Variants in TNRC6A observed in about 807,000 individuals in gnomAD.
TNRC6A encodes trinucleotide repeat containing adaptor 6A.
In TNRC6A, 44 loss-of-function variants were observed where a neutral mutation model predicts 221.2. The ratio of observed to expected loss-of-function variants is 0.20; its 90% confidence interval spans 0.16 to 0.26. TNRC6A has a LOEUF of 0.26. TNRC6A is among the 10% of genes least tolerant of loss of function. The probability of loss-of-function intolerance (pLI) is 1.00; values close to 1 mark genes in which losing one functional copy is unlikely to be tolerated. For missense variants in TNRC6A, 2,199 were observed against 2,404.4 expected, an observed-to-expected ratio of 0.91 and a Z score of 1.79; for synonymous variants, 847 against 838.5, an observed-to-expected ratio of 1.01 and a Z score of -0.18.
intron 18 of TNRC6A, among the ~76,000 whole-genome samples, chr16:24,814,237 G>A (rs1157436156): frequency 6.6e-6 from 1 of 152,012 alleles, no homozygotes; most frequent in African/African-American, 2.4e-5. Flanking sequence ...TGGGGCTGGA[G>A]TGGCATGCAG....
Position 24,804,328 on chromosome 16 carries a change from T to G in TNRC6A, c.3837+9T>G. 6.2e-7 allele frequency: 1 copy of G among 1,608,994 alleles called. No individual in the cohort carries two copies. The highest frequency in any genetic ancestry group is 8.5e-7 in the Non-Finnish European group (1 of 1,178,998). The stretch of plus-strand genomic sequence containing the variant: ...ATCCTTATTTTGATAAGGTAAGGTT[T>G]TTTACTTTTACCTCTGACTTGATAA... On this transcript the variant is annotated intron_variant, in intron 12 of 24. Transcript: ENST00000395799.
intron 2 of TNRC6A, among the ~76,000 whole-genome samples, chr16:24,672,270 C>T (rs970154827): frequency 6.6e-6 from 1 of 151,860 alleles, no homozygotes; most frequent in African/African-American, 2.4e-5. Context: ...TACAGGCGCA[C>T]GCCGCCACGC....
chr16:24,746,027 G>T (rs541544554), intron 2 of TNRC6A, among the ~76,000 whole-genome samples: 126 of 152,064 alleles, frequency 8.3e-4, no homozygotes, highest in African/African-American at 2.9e-3. Context: ...ATGCTGACAA[G>T]TCTCCATACT....
intron 2 of TNRC6A, among the ~76,000 whole-genome samples, chr16:24,713,829 A>G (rs2056258403): frequency 6.6e-6 from 1 of 152,116 alleles, no homozygotes; most frequent in African/African-American, 2.4e-5. Flanking sequence ...TATTTTCAGT[A>G]GAGATGGGGT....
At chr16:24,726,377 A>AAAG (rs2056492093), upstream of TNRC6A, among the ~76,000 whole-genome samples, 1 of 151,260 alleles carries the variant, frequency 6.6e-6, no homozygotes, top group Non-Finnish European at 1.5e-5. Flanking sequence ...AAAAAAAAAA[A>AAAG]TGGCTAGAGA....
At chr16:24,703,954 C>T (rs888513960) in intron 2 of TNRC6A, among the ~76,000 whole-genome samples, 2 of 151,504 alleles carry the variant, frequency 1.3e-5, no homozygotes, top group Non-Finnish European at 2.9e-5. Context: ...CGTGGTGATG[C>T]GTACTTGTAG....
At chr16:24,652,327 G>A (rs1016962861) in intron 2 of TNRC6A, among the ~76,000 whole-genome samples, 6 of 152,164 alleles carry the variant, frequency 3.9e-5, no homozygotes, top group Admixed American at 1.3e-4. Flanking sequence ...ATCCCATGGC[G>A]TAATATTTAA....
intron 1 of TNRC6A, among the ~76,000 whole-genome samples, chr16:24,630,817 C>G (rs1430254166): frequency 1.3e-5 from 2 of 152,160 alleles, no homozygotes; most frequent in Non-Finnish European, 2.9e-5. Flanking sequence ...TACCTAAAAC[C>G]CTGGGATTCC....
At chr16:24,612,857 A>C (rs879319765) in intron 1 of TNRC6A, among the ~76,000 whole-genome samples, 5 of 152,168 alleles carry the variant, frequency 3.3e-5, no homozygotes, top group Non-Finnish European at 7.4e-5. Flanking sequence ...TTTATAGTCC[A>C]GTGGGGAAGG....
At chr16:24,664,658 A>C (rs945582075) in intron 2 of TNRC6A, among the ~76,000 whole-genome samples, 5 of 135,686 alleles carry the variant, frequency 3.7e-5, no homozygotes, top group African/African-American at 1.1e-4. Flanking sequence ...ATTAATAATA[A>C]ATTTATTATT....
At chr16:24,784,147 G>A (rs999406255) in intron 5 of TNRC6A, among the ~76,000 whole-genome samples, 2 of 151,950 alleles carry the variant, frequency 1.3e-5, no homozygotes, top group African/African-American at 4.8e-5. Context: ...GATTATTGGG[G>A]CCTGTTACCA....
chr16:24,825,195 C>G lies in TNRC6A; in HGVS notation c.*1388C>G, dbSNP rs1025222558. The G allele has an allele frequency of 6.6e-6, 1 of 152,552 alleles. No individual in the cohort carries two copies. The highest frequency in any genetic ancestry group is 6.6e-5 in the Admixed American group (1 of 15,266). The allele number at this position is 152,552 out of a possible 1,614,324, so 9.4% of individuals were successfully genotyped here. ...TACACCATTTTAAACTTTCTTTCCTCCCCCCTTTTTTTGCCCACAAATGGT... is the reference window on the plus strand; with the variant it reads ...TACACCATTTTAAACTTTCTTTCCTGCCCCCTTTTTTTGCCCACAAATGGT... On this transcript the variant is annotated 3_prime_UTR_variant, in exon 25 of 25. Transcript: ENST00000395799.
intron 2 of TNRC6A, among the ~76,000 whole-genome samples, chr16:24,686,461 C>A (rs2055627560): frequency 6.6e-6 from 1 of 152,126 alleles, no homozygotes; most frequent in Non-Finnish European, 1.5e-5. Flanking sequence ...GAAACAGAGG[C>A]TCACACACAT....
intron 2 of TNRC6A, among the ~76,000 whole-genome samples, chr16:24,657,327 A>C (rs2054933313): frequency 6.9e-6 from 1 of 144,640 alleles, no homozygotes; most frequent in Admixed American, 7.1e-5. Flanking sequence ...CAAAAAAAAA[A>C]AAAAAAAAAA....
intron 2 of TNRC6A, among the ~76,000 whole-genome samples, chr16:24,685,751 GTGCCTCGGTT>G (rs1295695938): frequency 6.6e-6 from 1 of 152,196 alleles, no homozygotes; most frequent in Non-Finnish European, 1.5e-5. Context: ...CCATCTCTCT[GTGCCTCGGTT>G]TGCTCATCAG....
intron 2 of TNRC6A, among the ~76,000 whole-genome samples, chr16:24,731,817 C>T (rs1022366832): frequency 6.6e-6 from 1 of 152,230 alleles, no homozygotes; most frequent in African/African-American, 2.4e-5. Context: ...AATTCCAGCT[C>T]TGCTACTTGC....
intron 2 of TNRC6A, among the ~76,000 whole-genome samples, chr16:24,748,482 T>C (rs1255311626): frequency 6.6e-6 from 1 of 152,168 alleles, no homozygotes; most frequent in Non-Finnish European, 1.5e-5. Context: ...GAATCTGTTA[T>C]GTTACTCCAT....
chr16:24,799,834 A>G (rs1203042466), intron 11 of TNRC6A, among the ~76,000 whole-genome samples: 1 of 152,160 alleles, frequency 6.6e-6, no homozygotes, highest in Non-Finnish European at 1.5e-5. Flanking sequence ...TCATTCACAA[A>G]GGATCTGAGC....
intron 5 of TNRC6A, among the ~76,000 whole-genome samples, chr16:24,779,197 A>G (rs564899873): frequency 6.6e-6 from 1 of 152,252 alleles, no homozygotes; most frequent in South Asian, 2.1e-4. Context: ...GAGAAGGAAA[A>G]ACGTCATGCC....
Sources: allele counts gnomAD v4.1 joint callset (sites outside exome capture counted in the v4.1 genomes callset), GRCh38; gene constraint gnomAD v4.1.1; transcripts MANE v1.5; gene names NCBI Gene and HGNC (gene_info 2026-07-23, HGNC 2026-07-21).